TMEM98: variants seen among roughly 807,000 people sequenced by gnomAD.
The protein encoded by TMEM98 is transmembrane protein 98.
TMEM98 carries 18 observed loss-of-function variants against 25.0 expected under a neutral mutation model. The observed-to-expected ratio is 0.72, with a 90% CI of 0.50 to 1.07. The LOEUF (loss-of-function observed/expected upper bound fraction) is 1.07, where lower values mean the gene tolerates loss of function less well. TMEM98 is among the 50% of genes least tolerant of loss of function. The pLI, the probability that TMEM98 is intolerant of heterozygous loss-of-function variation, is 0.00. For missense variants in TMEM98, 241 were observed against 289.0 expected (o/e 0.83, Z 1.20); for synonymous variants, 103 against 112.4 (o/e 0.92, Z 0.53).
In TMEM98 at chr17:32,941,180, T is replaced by C. The variant is rs1300836349; in HGVS notation, c.*187T>C. 2 of 565,014 alleles carry C rather than the reference T, an allele frequency of 3.5e-6. No homozygotes were observed. The highest frequency in any genetic ancestry group is 3.3e-5 in the Admixed American group (1 of 29,976). The allele number at this position is 565,014 out of a possible 1,614,324, so 35.0% of individuals were successfully genotyped here. A position where few individuals can be genotyped will look rare whatever the true frequency, so the allele number is the denominator to read the frequency against. On this transcript the variant is annotated 3_prime_UTR_variant, in exon 8 of 8. Coordinates refer to ENST00000579849, the MANE Select transcript of TMEM98 (RefSeq NM_015544.3). ...TTTTGCAGTTGCAAACTGTGGCTGG[T>C]GAGTGGCAGTCTAATACTACAGTTA...
intron 4 of TMEM98, 55 bp downstream of exon 4, chr17:32,933,360 TG>T (rs1206106093): frequency 8.7e-6 from 14 of 1,609,294 alleles, no homozygotes; most frequent in Non-Finnish European, 1.1e-5. Context: ...TGCCCTTTGC[TG>T]GTGTCCTTTG....
intron 6 of TMEM98, among the ~76,000 whole-genome samples, chr17:32,936,985 C>T (rs532524124): frequency 2.0e-5 from 3 of 152,258 alleles, no homozygotes; most frequent in African/African-American, 4.8e-5. Flanking sequence ...TGCGAAATCC[C>T]GTGTGGGAGG....
In TMEM98 at chr17:32,941,020, A is replaced by G. The variant is rs773069383; in HGVS notation, c.*27A>G. Reference sequence around the variant, plus strand: ...GCCTACAGGCCAGCAGCTAGCCATGAAGGCCCCTGCCGCCATCCCTGGATG... The same window carrying G: ...GCCTACAGGCCAGCAGCTAGCCATGGAGGCCCCTGCCGCCATCCCTGGATG... On this transcript the variant is annotated 3_prime_UTR_variant, in exon 8 of 8. Transcript: ENST00000579849. 2.6e-6 allele frequency: 4 copies of G among 1,565,184 alleles called. No homozygotes were observed. The Admixed American group carries it at 7.3e-5, about 29-fold the overall frequency.
chr17:32,939,387 A>G, intron 6 of TMEM98, 90 bp from the exon 7 acceptor site: 1 of 1,398,238 alleles, frequency 7.2e-7, no homozygotes, highest in Non-Finnish European at 1.0e-6. Flanking sequence ...AGCCTGGGTG[A>G]CAGAGCGAGA....
At chr17:32,928,965 TCAGAAA>T (rs1252778617) in intron 1 of TMEM98, among the ~76,000 whole-genome samples, 2 of 124,644 alleles carry the variant, frequency 1.6e-5, no homozygotes, top group African/African-American at 3.5e-5. Context: ...TCACACACAC[TCAGAAA>T]CACACTCCGA....
At chr17:32,938,762 G>GA (rs1417906519) in intron 6 of TMEM98, among the ~76,000 whole-genome samples, 2 of 152,090 alleles carry the variant, frequency 1.3e-5, no homozygotes, top group Admixed American at 6.5e-5. Context: ...CCAATTGTAG[G>GA]AAAAAACCAC....
intron 3 of TMEM98, 88 bp downstream of exon 3, chr17:32,931,747 T>C: frequency 6.7e-7 from 1 of 1,488,266 alleles, no homozygotes. Context: ...TGGGCAACTC[T>C]AACTCAGCTT....
chr17:32,934,749 A>G (rs1476018376), intron 5 of TMEM98, among the ~76,000 whole-genome samples: 1 of 152,220 alleles, frequency 6.6e-6, no homozygotes, highest in Non-Finnish European at 1.5e-5. Context: ...TACTGTGACT[A>G]GAAAGTCATC....
At chr17:32,933,684 C>T (rs1242780692) in intron 4 of TMEM98, among the ~76,000 whole-genome samples, 1 of 152,216 alleles carries the variant, frequency 6.6e-6, no homozygotes, top group East Asian at 1.9e-4. Context: ...GAAGCGGCTG[C>T]TACTTCATTG....
chr17:32,940,231 A>G (rs1222191101), intron 7 of TMEM98, among the ~76,000 whole-genome samples: 2 of 152,234 alleles, frequency 1.3e-5, no homozygotes, highest in African/African-American at 2.4e-5. Context: ...TACTAACCAT[A>G]TAAAAGGTAT....
At chr17:32,936,235 G>A (rs2091495383) in intron 5 of TMEM98, 97 bp from the exon 6 acceptor site, 3 of 937,148 alleles carry the variant, frequency 3.2e-6, no homozygotes, top group African/African-American at 1.6e-5. Flanking sequence ...GGCCAGCTGC[G>A]ATGGAACTCA....
At position 32,939,458 on chromosome 17, in the gene TMEM98, A is replaced by G. The variant is rs114022615; in HGVS notation, c.414-19A>G. The G allele has an allele frequency of 8.4e-5, 136 of 1,612,524 alleles. No homozygotes were observed. The African/African-American group carries it at 1.5e-3, about 18-fold the overall frequency. ...AGATCAGGAAAGTGAAGTACTGAAC[A>G]CCTTTTGCCTCCGGTCAGGGTGGAT... On this transcript the variant is annotated intron_variant, in intron 6 of 7. Transcript: ENST00000579849.
chr17:32,939,655 G>C (rs1052232723), intron 7 of TMEM98, 119 bp downstream of exon 7: 4 of 1,234,882 alleles, frequency 3.2e-6, no homozygotes, highest in Non-Finnish European at 4.7e-6. Flanking sequence ...AGCCTCCTTA[G>C]GCTGCCCGGG....
intron 5 of TMEM98, 117 bp downstream of exon 5, chr17:32,934,441 T>A: frequency 8.6e-7 from 1 of 1,159,000 alleles, no homozygotes; most frequent in Non-Finnish European, 1.3e-6. Context: ...GGCCTTTCCT[T>A]AACTTGACAC....
At chr17:32,928,825 TAA>T (rs2091447793) in intron 1 of TMEM98, among the ~76,000 whole-genome samples, 2 of 142,018 alleles carry the variant, frequency 1.4e-5, no homozygotes, top group African/African-American at 5.7e-5. Flanking sequence ...GCACACAAGA[TAA>T]ACACTCAGCT....
chr17:32,936,380 G>A lies in TMEM98; in HGVS notation c.346G>A (p.Gly116Arg), dbSNP rs1368056739. Residue 116 changes from glycine (G) to arginine (R), a missense_variant, in exon 6 of 8, where the codon GGG becomes AGG. Gly to Arg is a moderately radical substitution (Grantham distance 125, BLOSUM62 -2). Coordinates refer to ENST00000579849, the MANE Select transcript of TMEM98 (RefSeq NM_015544.3). ...GCTTGTTGCCATGACAATGGGCTCT[G>A]GGGCCAAGATGAAGACTTCAGCCAG... ...EKLVAMTMGS[G>R]AKMKTSASVS... is the part of the protein sequence containing the mutation. 1.9e-6 allele frequency: 3 copies of A among 1,614,178 alleles called. No individual in the cohort carries two copies. The highest frequency in any genetic ancestry group is 1.7e-5 in the Admixed American group (1 of 60,022).
intron 6 of TMEM98, among the ~76,000 whole-genome samples, chr17:32,937,694 G>T (rs2091504411): frequency 6.6e-6 from 1 of 152,154 alleles, no homozygotes; most frequent in Non-Finnish European, 1.5e-5. Context: ...GGGTTCAAGC[G>T]ATTCTCCTGC....
In TMEM98 at chr17:32,942,265, G is replaced by A. The variant is rs567755270; in HGVS notation, c.*1272G>A. On this transcript the variant is annotated 3_prime_UTR_variant, in exon 8 of 8. Transcript: ENST00000579849. ...TATAATTTGGATACATACCCAAATG[G>A]CATAATTTCTGTCATAAGCCTGTAG... 16 of 152,162 alleles carry A rather than the reference G, an allele frequency of 1.1e-4. No homozygotes were observed. Among genetic ancestry groups the A allele is most frequent in the Admixed American group, 3.3e-4 (5 of 15,280 alleles). The allele number at this position is 152,162 out of a possible 1,614,324, so 9.4% of individuals were successfully genotyped here. A position where few individuals can be genotyped will look rare whatever the true frequency, so the allele number is the denominator to read the frequency against.
At chr17:32,937,502 G>A (rs532690704) in intron 6 of TMEM98, among the ~76,000 whole-genome samples, 20 of 152,292 alleles carry the variant, frequency 1.3e-4, no homozygotes, top group South Asian at 8.3e-4. Flanking sequence ...GCCTCCAGTG[G>A]GCTGTAGCCA....
Sources: gnomAD v4.1 joint callset for allele counts (sites outside exome capture counted in the v4.1 genomes callset) on GRCh38, gnomAD v4.1.1 for gene constraint, MANE v1.5 for transcripts, NCBI Gene and HGNC (gene_info 2026-07-23, HGNC 2026-07-21) for gene names.